COA1: variants seen among roughly 807,000 people sequenced by gnomAD.
COA1 encodes the protein cytochrome c oxidase assembly factor 1 homolog.
A neutral mutation model predicts 16.0 loss-of-function variants in COA1; 13 were observed. The ratio of observed to expected loss-of-function variants is 0.81; its 90% CI spans 0.53 to 1.29. The LOEUF is 1.29. COA1 is among the 50% of genes most tolerant of loss of function. The pLI is 0.00. For missense variants in COA1, 179 were observed against 177.0 expected (o/e 1.01, Z -0.06); for synonymous variants, 65 against 65.7 (o/e 0.99, Z 0.05).
At chr7:43,676,815 T>G (rs368237967) in intron 1 of COA1, among the ~76,000 whole-genome samples, 8 of 151,996 alleles carry the variant, frequency 5.3e-5, no homozygotes, top group African/African-American at 1.9e-4. Flanking sequence ...AAAAAAAACT[T>G]CAGAACACAT....
chr7:43,710,266 T>C lies in COA1; in HGVS notation c.-39+19163A>G, dbSNP rs1344326538. Among the ~76,000 whole-genome samples the C allele has an allele frequency of 2.8e-5, 4 of 145,144 alleles. No homozygotes were observed. In the Admixed American group the frequency reaches 2.8e-4, roughly 10 times the overall value. ...TGGGAGGCTGAGGCAGGAGAATCAC[T>C]TGAACCTGGGAGGAGGAGGTTGCCA... On this transcript the variant is annotated intron_variant, in intron 1 of 5. Coordinates refer to ENST00000223336, the MANE Select transcript of COA1 (RefSeq NM_018224.4).
At chr7:43,623,768 A>G (rs1368086715) in intron 6 of COA1, 1 of 1,608,604 alleles carries the variant, frequency 6.2e-7, no homozygotes, top group African/African-American at 1.3e-5. Flanking sequence ...TTAGGCAATG[A>G]TAAACAAGAA....
chr7:43,610,155 G>A (rs2082720990), intron 6 of COA1, among the ~76,000 whole-genome samples: 1 of 151,364 alleles, frequency 6.6e-6, no homozygotes, highest in African/African-American at 2.4e-5. Context: ...GACCATCCTG[G>A]CTAACACGGT....
chr7:43,701,173 G>C (rs1372372524), intron 1 of COA1, among the ~76,000 whole-genome samples: 1 of 126,042 alleles, frequency 7.9e-6, no homozygotes, highest in East Asian at 2.2e-4. Flanking sequence ...GCATGTCACT[G>C]GGGTTTGGTG....
At chr7:43,677,044 T>C (rs1053399444) in intron 1 of COA1, among the ~76,000 whole-genome samples, 2 of 152,238 alleles carry the variant, frequency 1.3e-5, no homozygotes, top group African/African-American at 4.8e-5. Flanking sequence ...TCATCCTTTG[T>C]ACGATGCCTA....
chr7:43,708,317 T>A (rs935411836), intron 1 of COA1, among the ~76,000 whole-genome samples: 5 of 152,068 alleles, frequency 3.3e-5, no homozygotes, highest in Admixed American at 2.6e-4. Context: ...TAAAGTTAGC[T>A]GGGTGTGGTG....
chr7:43,702,720 G>A (rs749487060), intron 1 of COA1, among the ~76,000 whole-genome samples: 30 of 151,974 alleles, frequency 2.0e-4, no homozygotes, highest in Non-Finnish European at 3.4e-4. Context: ...CACCTTTGTC[G>A]TATCTGATTG....
At chr7:43,633,794 A>G (rs12669688) in intron 6 of COA1, among the ~76,000 whole-genome samples, 13,157 of 150,210 alleles carry the variant, frequency 0.088, 661 homozygotes, top group East Asian at 0.19. Flanking sequence ...AAATTTGTAA[A>G]CTCTCAGCCA....
intron 1 of COA1, among the ~76,000 whole-genome samples, chr7:43,695,938 T>C (rs542573430): frequency 1.8e-4 from 28 of 152,296 alleles, no homozygotes; most frequent in Admixed American, 1.8e-3. Context: ...ATTAGTCCAT[T>C]TTCACACTGC....
chr7:43,608,518 T>A (rs2082637533), exon 7 of COA1: 1 of 1,260,826 alleles, frequency 7.9e-7, no homozygotes, highest in Non-Finnish European at 1.1e-6. Context: ...AACAAGGATA[T>A]TAGAATTGAG....
At chr7:43,703,688 G>A (rs567903897) in intron 1 of COA1, among the ~76,000 whole-genome samples, 155 of 152,110 alleles carry the variant, frequency 1.0e-3, no homozygotes, top group African/African-American at 3.7e-3. Flanking sequence ...TTTTCTGTTT[G>A]CTTACTTGAC....
chr7:43,636,086 CAA>C (rs1397617801), downstream of COA1, among the ~76,000 whole-genome samples: 4 of 152,184 alleles, frequency 2.6e-5, no homozygotes, highest in African/African-American at 4.8e-5. Context: ...CTCTCTCCTG[CAA>C]AGTCAGATTT....
At chr7:43,618,687 T>C (rs1166158757) in intron 6 of COA1, among the ~76,000 whole-genome samples, 2 of 152,218 alleles carry the variant, frequency 1.3e-5, no homozygotes, top group Non-Finnish European at 2.9e-5. Flanking sequence ...TGCTTGTCTT[T>C]TTATGTGAAA....
At chr7:43,621,621 G>T (rs2083898973) in intron 6 of COA1, among the ~76,000 whole-genome samples, 1 of 152,040 alleles carries the variant, frequency 6.6e-6, no homozygotes, top group Non-Finnish European at 1.5e-5. Flanking sequence ...GCACGTGCCA[G>T]CACAGCGGGC....
chr7:43,719,616 G>C (rs1035815681), intron 1 of COA1, among the ~76,000 whole-genome samples: 4 of 152,084 alleles, frequency 2.6e-5, no homozygotes, highest in African/African-American at 9.7e-5. Flanking sequence ...CCCACACACC[G>C]AATCTGTACT....
At chr7:43,644,744 A>AGATAGATAGATAGATG (rs1554501197) in intron 4 of COA1, among the ~76,000 whole-genome samples, 28 of 90,428 alleles carry the variant, frequency 3.1e-4, no homozygotes, top group Admixed American at 5.8e-4. Context: ...ATAGATAGAT[A>AGATAGATAGATAGATG]GATAGATAGA....
At chr7:43,621,833 A>G (rs1318184242) in intron 6 of COA1, among the ~76,000 whole-genome samples, 1 of 150,938 alleles carries the variant, frequency 6.6e-6, no homozygotes, top group Non-Finnish European at 1.5e-5. Flanking sequence ...ATAATACAGA[A>G]AAACAAAGGG....
intron 1 of COA1, among the ~76,000 whole-genome samples, chr7:43,678,301 T>C (rs1260011335): frequency 6.6e-6 from 1 of 152,188 alleles, no homozygotes; most frequent in African/African-American, 2.4e-5. Context: ...AGTTGGACCC[T>C]TAGCTTACAA....
At chr7:43,649,633 A>C (rs1584401178) in intron 1 of COA1, 1 of 152,274 alleles carries the variant, frequency 6.6e-6, no homozygotes, top group East Asian at 1.9e-4. Flanking sequence ...GAATACAGAC[A>C]ATTAAACAAA....
Sources: allele counts gnomAD v4.1 joint callset (sites outside exome capture counted in the v4.1 genomes callset), GRCh38; gene constraint gnomAD v4.1.1; transcripts MANE v1.5; gene names NCBI Gene and HGNC (gene_info 2026-07-23, HGNC 2026-07-21).